The following CORIN variants were observed in gnomAD, a reference collection of about 807,000 sequenced individuals.
CORIN encodes corin, serine peptidase.
In CORIN, 117 loss-of-function variants were observed where a neutral mutation model predicts 125.3. The observed-to-expected ratio is 0.93, with a 90% CI of 0.80 to 1.09. The LOEUF is 1.09. Ranked by LOEUF, CORIN falls within the 50% of genes least tolerant of loss-of-function variation. The probability of loss-of-function intolerance (pLI) is 0.00; values close to 1 mark genes in which losing one functional copy is unlikely to be tolerated. For synonymous variants in CORIN, 450 were observed against 466.4 expected, an observed-to-expected ratio of 0.96 and a Z score of 0.45; for missense variants, 1,253 against 1,306.7, an observed-to-expected ratio of 0.96 and a Z score of 0.63.
chr4:47,600,147 G>T, intron 21 of CORIN, 67 bp downstream of exon 21: 1 of 1,379,748 alleles, frequency 7.2e-7, no homozygotes, highest in South Asian at 1.6e-5. Flanking sequence ...ACGTAATAAT[G>T]AGTTTATAGG....
intron 2 of CORIN, among the ~76,000 whole-genome samples, chr4:47,804,211 G>T (rs561473900): frequency 6.6e-6 from 1 of 152,288 alleles, no homozygotes; most frequent in East Asian, 1.9e-4. Context: ...AATAACAAAT[G>T]CTGGTAAGGA....
chr4:47,834,368 T>C (rs1733261012), intron 1 of CORIN, among the ~76,000 whole-genome samples: 1 of 152,106 alleles, frequency 6.6e-6, no homozygotes, highest in Admixed American at 6.5e-5. Flanking sequence ...GGACAAATAC[T>C]ACATGATCCC....
intron 1 of CORIN, 60 bp downstream of exon 1, chr4:47,837,827 C>A: frequency 1.4e-6 from 2 of 1,457,502 alleles, no homozygotes; most frequent in Non-Finnish European, 9.6e-7. Flanking sequence ...ACCCTGAATT[C>A]ACCGGGACTA....
chr4:47,600,032 G>A (rs1721391051), intron 21 of CORIN, among the ~76,000 whole-genome samples, 182 bp downstream of exon 21: 1 of 152,206 alleles, frequency 6.6e-6, no homozygotes, highest in Non-Finnish European at 1.5e-5. Flanking sequence ...AAGAGGATGG[G>A]TGTAATTGTG....
intron 10 of CORIN, among the ~76,000 whole-genome samples, chr4:47,666,558 G>A (rs545842419): frequency 2.0e-5 from 3 of 152,294 alleles, no homozygotes; most frequent in Admixed American, 2.0e-4. Context: ...CCATTCATAC[G>A]CTGAAACTCT....
intron 1 of CORIN, among the ~76,000 whole-genome samples, chr4:47,826,856 A>G (rs1219465362): frequency 6.6e-6 from 1 of 152,204 alleles, no homozygotes; most frequent in Non-Finnish European, 1.5e-5. Flanking sequence ...GTTGTCATTG[A>G]GCACCTGCAA....
Position 47,838,039 on chromosome 4 carries a change from A to T in CORIN, c.-90T>A. The stretch of plus-strand genomic sequence containing the variant: ...GTCCCCCGGGGAGGCACTACGGATG[A>T]TTTTCTCCAAGCTCAAGAGAGACAA... On this transcript the variant is annotated 5_prime_UTR_variant, in exon 1 of 22. Transcript: ENST00000273857. 6.3e-7 allele frequency: 1 copy of T among 1,579,496 alleles called. No homozygotes were observed. Among genetic ancestry groups the T allele is most frequent in the Non-Finnish European group, 8.5e-7 (1 of 1,170,528 alleles).
At chr4:47,667,963 C>T (rs1724558433) in intron 10 of CORIN, among the ~76,000 whole-genome samples, 1 of 152,064 alleles carries the variant, frequency 6.6e-6, no homozygotes, top group African/African-American at 2.4e-5. Context: ...GTACAGCCCC[C>T]AAGAATGGGA....
At chr4:47,735,557 G>A (rs1247858624) in intron 5 of CORIN, among the ~76,000 whole-genome samples, 1 of 152,032 alleles carries the variant, frequency 6.6e-6, no homozygotes, top group Non-Finnish European at 1.5e-5. Context: ...TCCAAGATTA[G>A]AATATTTGCA....
intron 3 of CORIN, among the ~76,000 whole-genome samples, chr4:47,774,704 T>G (rs1730212263): frequency 6.6e-6 from 1 of 152,196 alleles, no homozygotes; most frequent in Non-Finnish European, 1.5e-5. Context: ...TCTTATCATG[T>G]GCCAGACTGT....
intron 16 of CORIN, among the ~76,000 whole-genome samples, chr4:47,632,762 GAT>G (rs1722881192): frequency 7.4e-6 from 1 of 135,152 alleles, no homozygotes; most frequent in Non-Finnish European, 1.6e-5. Context: ...TAGATAGATA[GAT>G]AGAGATAGAT....
intron 4 of CORIN, among the ~76,000 whole-genome samples, chr4:47,749,281 T>C (rs1183950943): frequency 6.6e-6 from 1 of 152,178 alleles, no homozygotes; most frequent in Non-Finnish European, 1.5e-5. Context: ...GTCAACTTCA[T>C]CATTAGTCTA....
At chr4:47,694,759 TG>T (rs1459399433) in intron 5 of CORIN, among the ~76,000 whole-genome samples, 1 of 152,180 alleles carries the variant, frequency 6.6e-6, no homozygotes, top group Non-Finnish European at 1.5e-5. Flanking sequence ...CCCATGTTCC[TG>T]GGACCCAGCC....
intron 5 of CORIN, among the ~76,000 whole-genome samples, chr4:47,698,395 A>C (rs1279736814): frequency 6.6e-6 from 1 of 151,904 alleles, no homozygotes; most frequent in Non-Finnish European, 1.5e-5. Flanking sequence ...GAGCTAGTGC[A>C]AAGTTCCTCC....
At chr4:47,705,940 C>T (rs1726532617) in intron 5 of CORIN, among the ~76,000 whole-genome samples, 1 of 152,144 alleles carries the variant, frequency 6.6e-6, no homozygotes, top group Non-Finnish European at 1.5e-5. Flanking sequence ...AATCATTTTG[C>T]ATTTTACATG....
chr4:47,799,143 G>GTGTA (rs1553918935), intron 2 of CORIN, among the ~76,000 whole-genome samples: 2 of 151,040 alleles, frequency 1.3e-5, no homozygotes, highest in Non-Finnish European at 2.9e-5. Context: ...GTGTGTGTGT[G>GTGTA]TGTATGTCTC....
chr4:47,768,734 A>T (rs753012502), intron 3 of CORIN, among the ~76,000 whole-genome samples: 1 of 152,240 alleles, frequency 6.6e-6, no homozygotes, highest in Non-Finnish European at 1.5e-5. Context: ...CCATACGACC[A>T]TCTCAAAAGA....
chr4:47,776,926 A>G (rs1156676388), intron 3 of CORIN, among the ~76,000 whole-genome samples: 4 of 152,238 alleles, frequency 2.6e-5, no homozygotes, highest in Non-Finnish European at 4.4e-5. Context: ...AAACTTTACA[A>G]AAAAAGTTGT....
chr4:47,721,078 T>C (rs2109796941), intron 5 of CORIN, among the ~76,000 whole-genome samples: 1 of 152,214 alleles, frequency 6.6e-6, no homozygotes, highest in Admixed American at 6.5e-5. Flanking sequence ...AAGGTGGAAG[T>C]CCAGGATCAG....
Sources: gnomAD v4.1 joint callset for allele counts (sites outside exome capture counted in the v4.1 genomes callset) on GRCh38, gnomAD v4.1.1 for gene constraint, MANE v1.5 for transcripts, NCBI Gene and HGNC (gene_info 2026-07-23, HGNC 2026-07-21) for gene names.